Variants in TFR2 observed in about 807,000 individuals in gnomAD.
TFR2 encodes transferrin receptor 2.
A neutral mutation model predicts 91.9 loss-of-function variants in TFR2; 64 were observed. That is an observed-to-expected ratio of 0.70 (90% CI 0.57 to 0.86). The LOEUF (loss-of-function observed/expected upper bound fraction) is 0.86. Among genes scored for constraint, TFR2 ranks in the 40% least tolerant of loss-of-function variants. The pLI is 0.00. For synonymous variants in TFR2, 454 were observed against 459.6 expected (o/e 0.99, Z 0.15); for missense variants, 950 against 1,080.5 (o/e 0.88, Z 1.69).
In TFR2 at chr7:100,626,744, G is replaced by A. The variant is rs1187185293; in HGVS notation, c.2136+19C>T. 27 of 1,538,402 alleles carry A rather than the reference G, an allele frequency of 1.8e-5. No homozygotes were observed. The highest frequency in any genetic ancestry group is 2.7e-5 in the African/African-American group (2 of 72,936). ...AGGGGCGGGACACTGGGGGCGGGGC[G>A]AGGAGGGCGGGGCCTCACCCGCATT... On this transcript the variant is annotated intron_variant, in intron 17 of 17. Transcript: ENST00000223051.
rs199790854 is a variant in TFR2 at position 100,629,742 on chromosome 7, C to T, written c.1271-370G>A. 4.2e-5 allele frequency among the ~76,000 whole-genome samples: 6 copies of T among 143,720 alleles called. No homozygotes were observed. In the South Asian group the frequency reaches 6.6e-4, roughly 16 times the overall value. 94.3% of individuals were successfully genotyped at this position (143,720 alleles called of 152,430 possible). ...TCGGCTAATTTCTTTTACTTACTTACTTATTTATTTATTTAATTTATTTTT... is the reference window on the plus strand; with the variant it reads ...TCGGCTAATTTCTTTTACTTACTTATTTATTTATTTATTTAATTTATTTTT... On this transcript the variant is annotated intron_variant, in intron 9 of 17. Transcript: ENST00000223051.
chr7:100,629,466 TC>T, intron 9 of TFR2, 94 bp from the exon 10 acceptor site: 1 of 1,593,584 alleles, frequency 6.3e-7, no homozygotes, highest in Admixed American at 1.7e-5. Flanking sequence ...CCATCACAAT[TC>T]CGGCAACCCT....
chr7:100,629,499 C>G (rs1584457883), intron 9 of TFR2, 127 bp from the exon 10 acceptor site: 2 of 1,555,012 alleles, frequency 1.3e-6, no homozygotes, highest in East Asian at 2.3e-5. Context: ...CCCTCCAGTC[C>G]CTAAAGAGGG....
intron 17 of TFR2, among the ~76,000 whole-genome samples, chr7:100,622,996 C>T (rs900227996): frequency 1.3e-5 from 2 of 149,154 alleles, no homozygotes; most frequent in Non-Finnish European, 3.0e-5. Context: ...ACAAACAGGC[C>T]GGGCACAGTG....
intron 9 of TFR2, 126 bp from the exon 10 acceptor site, chr7:100,629,498 C>A: frequency 2.6e-6 from 4 of 1,558,356 alleles, no homozygotes; most frequent in Non-Finnish European, 3.5e-6. Context: ...TCCCTCCAGT[C>A]CCTAAAGAGG....
At chr7:100,639,101 C>T (rs1246322295) in intron 3 of TFR2, among the ~76,000 whole-genome samples, 1 of 152,176 alleles carries the variant, frequency 6.6e-6, no homozygotes, top group Non-Finnish European at 1.5e-5. Flanking sequence ...GTGGCTCATG[C>T]CTGTAATCCC....
intron 3 of TFR2, among the ~76,000 whole-genome samples, chr7:100,633,881 G>A (rs776548613): frequency 4.6e-5 from 7 of 151,634 alleles, no homozygotes; most frequent in Admixed American, 3.9e-4. Flanking sequence ...GCTAATTTTT[G>A]TATTTTTAGT....
chr7:100,632,218 G>C lies in TFR2; in HGVS notation c.850-20C>G. On this transcript the variant is annotated intron_variant, in intron 6 of 17. Transcript: ENST00000223051. ...GGTCACCTGGGGAGGAAGGTGACTA[G>C]AGGACTCCTCCCAGAAAAAAACCCG... The C allele has an allele frequency of 6.2e-7, 1 of 1,606,256 alleles. No individual in the cohort carries two copies. The highest frequency in any genetic ancestry group is 8.5e-7 in the Non-Finnish European group (1 of 1,172,920).
In TFR2 at chr7:100,641,099, C is replaced by A; in HGVS notation, c.163G>T (p.Glu55Ter). 1 of 1,596,836 alleles carries A rather than the reference C, an allele frequency of 6.3e-7. No individual in the cohort carries two copies. Among genetic ancestry groups the A allele is most frequent in the Non-Finnish European group, 8.5e-7 (1 of 1,171,302 alleles). Residue 55 changes from glutamate to a stop codon, truncating the protein, a stop_gained, in exon 2 of 18, where the codon GAG becomes TAG. Coordinates refer to ENST00000223051, the MANE Select transcript of TFR2 (RefSeq NM_003227.4). LOFTEE classifies it high-confidence loss of function. ...AETLAHFCPM[E>*]LRGPEPLGSR... ...CCCAGGGGCTCAGGGCCCCTCAGCT[C>A]CATGGGGCAGAAGTGGGCCAATGTC...
At chr7:100,637,537 TG>T (rs1388444285) in intron 3 of TFR2, among the ~76,000 whole-genome samples, 1 of 152,098 alleles carries the variant, frequency 6.6e-6, no homozygotes, top group Non-Finnish European at 1.5e-5. Context: ...GAGGTTACAG[TG>T]AGCTAAGATC....
Position 100,629,232 on chromosome 7 carries a change from AGGCCCT to A in TFR2, c.1390+15_1390+20del. 3 of 1,612,946 alleles carry A rather than the reference AGGCCCT, an allele frequency of 1.9e-6. No individual in the cohort carries two copies. The highest frequency in any genetic ancestry group is 2.5e-6 in the Non-Finnish European group (3 of 1,179,256). On this transcript the variant is annotated intron_variant, in intron 10 of 17. Coordinates refer to ENST00000223051, the MANE Select transcript of TFR2 (RefSeq NM_003227.4). ...GCCCACCGCTGCCTAGCCCAGGCCC[AGGCCCT>A]GGCCCTGACCTTACCGTTGCTCACC...
chr7:100,625,166 T>G (rs1249850289), intron 17 of TFR2, among the ~76,000 whole-genome samples: 1 of 151,332 alleles, frequency 6.6e-6, no homozygotes, highest in East Asian at 2.0e-4. Context: ...CTCAAGTGAT[T>G]CTCCTGCCTC....
Position 100,629,315 on chromosome 7 carries a change from G to T in TFR2, c.1328C>A (p.Ser443Tyr). 6.2e-7 allele frequency: 1 copy of T among 1,614,134 alleles called. No homozygotes were observed. Among genetic ancestry groups the T allele is most frequent in the Non-Finnish European group, 8.5e-7 (1 of 1,179,986 alleles). Reference protein sequence around the residue: ...RDAWGPGAAKSAVGTAILLEL... With the variant: ...RDAWGPGAAKYAVGTAILLEL... ...CAGGAGTATAGCCGTCCCCACAGCG[G>T]ATTTAGCTGCTCCTGGGCCCCATGC... is the stretch of plus-strand genomic sequence containing the variant. The change falls in exon 10 of 18, where the codon TCC becomes TAC. Residue 443 changes from serine (S) to tyrosine (Y), a missense_variant. Transcript: ENST00000223051.
chr7:100,637,835 A>ATT (rs71126327), intron 3 of TFR2, among the ~76,000 whole-genome samples: 151 of 144,134 alleles, frequency 1.0e-3, no homozygotes, highest in African/African-American at 1.3e-3. Flanking sequence ...ATGTAATTTA[A>ATT]TTTTTTTTTT....
At chr7:100,629,808 C>T (rs1473848233) in intron 9 of TFR2, among the ~76,000 whole-genome samples, 4 of 152,262 alleles carry the variant, frequency 2.6e-5, no homozygotes, top group East Asian at 1.9e-4. Flanking sequence ...TGCAGTGGCA[C>T]GATCTTGGCT....
At chr7:100,632,840 G>C in intron 6 of TFR2, 161 bp downstream of exon 6, 2 of 1,247,628 alleles carry the variant, frequency 1.6e-6, no homozygotes, top group Admixed American at 1.7e-5. Flanking sequence ...TAAAGTGCTG[G>C]GATTGCAGGT....
chr7:100,628,356 C>T, intron 10 of TFR2, 50 bp from the exon 11 acceptor site: 1 of 1,570,910 alleles, frequency 6.4e-7, no homozygotes, highest in Non-Finnish European at 8.8e-7. Context: ...CAAGCAAAGA[C>T]CCTCCCCTTG....
chr7:100,638,725 T>C (rs1803628233), intron 3 of TFR2, among the ~76,000 whole-genome samples: 1 of 148,612 alleles, frequency 6.7e-6, no homozygotes, highest in Non-Finnish European at 1.5e-5. Context: ...CACTCCAGCC[T>C]GGGCAACAGT....
Position 100,630,894 on chromosome 7 carries a change from T to C in TFR2, c.1265A>G (p.Glu422Gly), listed in dbSNP as rs1374151863. 1 of 1,612,578 alleles carries C rather than the reference T, an allele frequency of 6.2e-7. No homozygotes were observed. The highest frequency in any genetic ancestry group is 1.3e-5 in the African/African-American group (1 of 74,888). ...NIFGCIEGRS[E>G]PDHYVVIGAQ... ...ATACTGGACACACAGCATACCTGGC[T>C]CTGAGCGGCCTTCGATGCAGCCGAA... Residue 422 changes from glutamate (E) to glycine (G), a missense_variant, in exon 9 of 18, where the codon GAG becomes GGG. Physicochemically the swap from Glu to Gly is moderately conservative, Grantham distance 98. Coordinates refer to ENST00000223051, the MANE Select transcript of TFR2 (RefSeq NM_003227.4).
Sources: gnomAD v4.1 joint callset for allele counts (sites outside exome capture counted in the v4.1 genomes callset) on GRCh38, gnomAD v4.1.1 for gene constraint, MANE v1.5 for transcripts, NCBI Gene and HGNC (gene_info 2026-07-23, HGNC 2026-07-21) for gene names.